Variants in SNTG1 observed in about 807,000 individuals in gnomAD.
SNTG1 encodes the protein syntrophin gamma 1, also known as gamma-1-syntrophin.
Under a neutral mutation model 74.7 loss-of-function variants are expected in SNTG1, and 39 were observed. The ratio of observed to expected loss-of-function variants is 0.52; its 90% CI spans 0.40 to 0.68. The LOEUF (loss-of-function observed/expected upper bound fraction) is 0.68. Among genes scored for constraint, SNTG1 ranks in the 30% least tolerant of loss-of-function variants. The pLI, the probability that SNTG1 is intolerant of heterozygous loss-of-function variation, is 0.00. For missense variants in SNTG1, 685 were observed against 609.5 expected, an observed-to-expected ratio of 1.12 and a Z score of -1.30; for synonymous variants, 254 against 217.1, an observed-to-expected ratio of 1.17 and a Z score of -1.49.
intron 1 of SNTG1, among the ~76,000 whole-genome samples, chr8:50,061,801 A>G (rs772834654): frequency 6.6e-6 from 1 of 151,998 alleles, no homozygotes; most frequent in Non-Finnish European, 1.5e-5. Context: ...CTTGTTATTG[A>G]TATCTAGCTT....
chr8:50,476,827 C>T (rs1587749848), intron 8 of SNTG1, among the ~76,000 whole-genome samples: 1 of 146,672 alleles, frequency 6.8e-6, no homozygotes, highest in East Asian at 2.0e-4. Flanking sequence ...TGGGGCAGGA[C>T]ATACACAAAA....
intron 8 of SNTG1, among the ~76,000 whole-genome samples, chr8:50,461,390 A>G (rs1239346383): frequency 2.6e-5 from 4 of 152,140 alleles, no homozygotes; most frequent in South Asian, 4.1e-4. Flanking sequence ...TGTCCAGACT[A>G]TGTTTTCAAG....
chr8:50,085,882 C>T (rs899392353), intron 1 of SNTG1, among the ~76,000 whole-genome samples: 3 of 152,150 alleles, frequency 2.0e-5, no homozygotes, highest in African/African-American at 4.8e-5. Flanking sequence ...CCACTGAAAT[C>T]GGAATCTCTG....
At position 50,633,845 on chromosome 8, in the gene SNTG1, G is replaced by A. The variant is rs1217173460; in HGVS notation, c.850-23064G>A. Reference sequence around the variant, plus strand: ...GTTCACAGTGTAGGAGAGGCTAATGGGACATTGCTGTTTAGGCCTATTGGG... The same window carrying A: ...GTTCACAGTGTAGGAGAGGCTAATGAGACATTGCTGTTTAGGCCTATTGGG... On this transcript the variant is annotated intron_variant, in intron 13 of 18. Coordinates refer to ENST00000642720, the MANE Select transcript of SNTG1 (RefSeq NM_018967.5). Among the ~76,000 whole-genome samples, 5 of 152,110 alleles carry A rather than the reference G, an allele frequency of 3.3e-5. No homozygotes were observed. The South Asian group carries it at 1.0e-3, about 32-fold the overall frequency.
intron 12 of SNTG1, among the ~76,000 whole-genome samples, chr8:50,567,927 T>C (rs973315689): frequency 2.0e-5 from 3 of 152,106 alleles, no homozygotes; most frequent in African/African-American, 7.2e-5. Flanking sequence ...CACCCTACTA[T>C]ATAATAGAGC....
intron 13 of SNTG1, among the ~76,000 whole-genome samples, chr8:50,605,114 G>C (rs2094803748): frequency 1.3e-5 from 2 of 152,184 alleles, no homozygotes; most frequent in South Asian, 4.1e-4. Flanking sequence ...TGATATGCAA[G>C]ATTTAAGACA....
At chr8:50,492,449 G>A (rs541048668) in intron 8 of SNTG1, among the ~76,000 whole-genome samples, 5 of 152,302 alleles carry the variant, frequency 3.3e-5, no homozygotes, top group Non-Finnish European at 5.9e-5. Flanking sequence ...GGTGTGAGAT[G>A]GTATCTCAGT....
chr8:50,751,274 T>C (rs1172962111), intron 17 of SNTG1, among the ~76,000 whole-genome samples: 4 of 152,006 alleles, frequency 2.6e-5, no homozygotes, highest in Non-Finnish European at 5.9e-5. Flanking sequence ...GACATGCATG[T>C]TTTTAGTTTC....
intron 2 of SNTG1, among the ~76,000 whole-genome samples, chr8:50,222,163 T>C (rs2085103422): frequency 6.6e-6 from 1 of 152,124 alleles, no homozygotes; most frequent in Non-Finnish European, 1.5e-5. Context: ...GACTAGTAAA[T>C]TGGAGAAGTT....
chr8:50,246,128 A>C (rs560351685), intron 2 of SNTG1, among the ~76,000 whole-genome samples: 1 of 150,822 alleles, frequency 6.6e-6, no homozygotes, highest in African/African-American at 2.4e-5. Context: ...TAGATGCATA[A>C]AATGTGAAAC....
At chr8:50,559,017 A>T (rs1337743893) in intron 12 of SNTG1, among the ~76,000 whole-genome samples, 2 of 152,178 alleles carry the variant, frequency 1.3e-5, no homozygotes, top group African/African-American at 4.8e-5. Context: ...TAGGTTTGTT[A>T]CAAAGGTGTA....
intron 1 of SNTG1, among the ~76,000 whole-genome samples, chr8:50,153,344 G>T (rs1218806295): frequency 1.3e-5 from 2 of 152,046 alleles, no homozygotes; most frequent in Non-Finnish European, 2.9e-5. Context: ...TTTGCATTGG[G>T]TTCAAACTTC....
intron 2 of SNTG1, among the ~76,000 whole-genome samples, chr8:50,331,634 A>G (rs1191573708): frequency 6.6e-6 from 1 of 152,142 alleles, no homozygotes; most frequent in Admixed American, 6.5e-5. Flanking sequence ...ACTTATGGAC[A>G]ATAGACTGAA....
intron 8 of SNTG1, among the ~76,000 whole-genome samples, chr8:50,464,282 G>A (rs1319799218): frequency 6.6e-6 from 1 of 152,028 alleles, no homozygotes; most frequent in African/African-American, 2.4e-5. Flanking sequence ...TTACAACCTG[G>A]CTAACTGCTT....
At chr8:50,103,224 C>T (rs1278982613) in intron 1 of SNTG1, among the ~76,000 whole-genome samples, 1 of 152,184 alleles carries the variant, frequency 6.6e-6, no homozygotes, top group African/African-American at 2.4e-5. Flanking sequence ...TTTGTATCCT[C>T]TTTTATTTCA....
intron 15 of SNTG1, among the ~76,000 whole-genome samples, chr8:50,702,992 G>C (rs1363577965): frequency 6.6e-6 from 1 of 152,154 alleles, no homozygotes; most frequent in East Asian, 1.9e-4. Context: ...TTGCAGAATG[G>C]TAGTTGCTCT....
chr8:49,924,025 T>G (rs1307109768), intron 1 of SNTG1, among the ~76,000 whole-genome samples: 3 of 152,156 alleles, frequency 2.0e-5, no homozygotes, highest in African/African-American at 7.2e-5. Flanking sequence ...ATACCAGTGG[T>G]TTTTTAATTT....
At chr8:50,613,839 A>T (rs561011674) in intron 13 of SNTG1, among the ~76,000 whole-genome samples, 1 of 152,152 alleles carries the variant, frequency 6.6e-6, no homozygotes, top group African/African-American at 2.4e-5. Context: ...AATTTGTACA[A>T]TCACTCCATA....
At chr8:50,323,283 A>T (rs1200844132) in intron 2 of SNTG1, among the ~76,000 whole-genome samples, 4 of 152,108 alleles carry the variant, frequency 2.6e-5, no homozygotes. Flanking sequence ...CCCTCAAAAC[A>T]GCTATTTTGA....
Sources: gnomAD v4.1 joint callset for allele counts (sites outside exome capture counted in the v4.1 genomes callset) on GRCh38, gnomAD v4.1.1 for gene constraint, MANE v1.5 for transcripts, NCBI Gene and HGNC (gene_info 2026-07-23, HGNC 2026-07-21) for gene names.